FREM1: variants seen among roughly 807,000 people sequenced by gnomAD.
FREM1 encodes FRAS1 related extracellular matrix 1, also known as FRAS1-related extracellular matrix protein 1.
FREM1 carries 220 observed loss-of-function variants against 210.1 expected under a neutral mutation model. That is an observed-to-expected ratio of 1.05 (90% CI 0.94 to 1.17). The LOEUF (loss-of-function observed/expected upper bound fraction) is 1.17. Among genes scored for constraint, FREM1 ranks in the 50% most tolerant of loss-of-function variants. FREM1 has a pLI of 0.00. For missense variants in FREM1, 3,454 were observed against 2,675.5 expected (o/e 1.29, Z -6.42); for synonymous variants, 1,189 against 980.2 (o/e 1.21, Z -3.98).
chr9:14,778,747 A>AGGGGAG (rs1563908155), intron 24 of FREM1, among the ~76,000 whole-genome samples: 1 of 135,262 alleles, frequency 7.4e-6, no homozygotes, highest in African/African-American at 2.7e-5. Context: ...AGGGAAGGGA[A>AGGGGAG]GGAAAGGAAA....
chr9:14,897,566 A>T (rs1837959947), intron 1 of FREM1, among the ~76,000 whole-genome samples: 1 of 151,160 alleles, frequency 6.6e-6, no homozygotes, highest in African/African-American at 2.4e-5. Flanking sequence ...ACCAACAAAG[A>T]GGCTTAATCG....
rs545119046 is a variant in FREM1, at chr9:14,861,056, T to C, written c.330-1572A>G. 2.0e-3 allele frequency among the ~76,000 whole-genome samples: 145 copies of C among 71,404 alleles called. 3 individuals carry two copies. Among genetic ancestry groups the C allele is most frequent in the African/African-American group, 7.9e-3 (99 of 12,598 alleles). 46.8% of individuals were successfully genotyped at this position (71,404 alleles called of 152,430 possible). ...ATATATACATATATACATATATACA[T>C]ATATACACATATACATATATACATA... On this transcript the variant is annotated intron_variant, in intron 3 of 36. Coordinates refer to ENST00000380880, the MANE Select transcript of FREM1 (RefSeq NM_001379081.2).
intron 12 of FREM1, among the ~76,000 whole-genome samples, chr9:14,823,546 G>A (rs987890011): frequency 2.0e-5 from 3 of 152,156 alleles, no homozygotes; most frequent in African/African-American, 7.2e-5. Flanking sequence ...CTCCTACAGG[G>A]TTTCAGAAGG....
In FREM1 at chr9:14,746,406, C is replaced by G. The variant is rs1158765295; in HGVS notation, c.6201G>C (p.Leu2067Phe). The G allele has an allele frequency of 1.2e-6, 2 of 1,613,768 alleles. No homozygotes were observed. Among genetic ancestry groups the G allele is most frequent in the Non-Finnish European group, 1.7e-6 (2 of 1,179,808 alleles). Reference protein sequence around the residue: ...WHQHSGYCHILITEQKGTWNA... With the variant: ...WHQHSGYCHIFITEQKGTWNA... Reference sequence around the variant, plus strand: ...TCCAGGTGCCTTTCTGCTCTGTGATCAAGATGTGACAGTAGCCTGAGTGCT... The same window carrying G: ...TCCAGGTGCCTTTCTGCTCTGTGATGAAGATGTGACAGTAGCCTGAGTGCT... Residue 2067 changes from leucine (L) to phenylalanine (F), a missense_variant, in exon 35 of 37, where the codon TTG becomes TTC. Transcript: ENST00000380880.
rs374549658 is a variant in FREM1, at chr9:14,756,420, T to C, written c.5361A>G (p.Gly1787=). ...IKVNQVSAAV[G]KDFTVIPSKL... ...TAGATGGAATCACGGTGAAATCTTT[T>C]CCAACTGCAGCTGACACTTGGTTGA... Residue 1787 remains glycine, a synonymous_variant, in exon 29 of 37, where the codon GGA becomes GGG. Transcript: ENST00000380880. 35 of 1,601,308 alleles carry C rather than the reference T, an allele frequency of 2.2e-5. No homozygotes were observed. The East Asian group carries it at 4.0e-4, about 19-fold the overall frequency.
At chr9:14,879,473 C>T (rs762938379) in intron 1 of FREM1, among the ~76,000 whole-genome samples, 1 of 152,118 alleles carries the variant, frequency 6.6e-6, no homozygotes, top group African/African-American at 2.4e-5. Flanking sequence ...TATTGCCACA[C>T]AACACTGAGA....
intron 24 of FREM1, 200 bp from the exon 25 acceptor site, chr9:14,776,403 C>G (rs771562382): frequency 1.6e-5 from 8 of 487,208 alleles, no homozygotes; most frequent in Non-Finnish European, 2.4e-5. Context: ...CATTCTACAC[C>G]CAAGAATATT....
At chr9:14,892,508 G>A (rs1837016298) in intron 1 of FREM1, among the ~76,000 whole-genome samples, 2 of 152,078 alleles carry the variant, frequency 1.3e-5, no homozygotes, top group African/African-American at 2.4e-5. Flanking sequence ...AAGATTTAGG[G>A]GGTTAGAGGC....
At chr9:14,888,482 T>C (rs1047741060) in intron 1 of FREM1, among the ~76,000 whole-genome samples, 12 of 152,364 alleles carry the variant, frequency 7.9e-5, no homozygotes, top group South Asian at 4.1e-4. Flanking sequence ...CAGAAGTTAA[T>C]GTTTCACTAG....
At chr9:14,804,834 T>C (rs1818061287) in intron 19 of FREM1, 122 bp downstream of exon 19, 1 of 652,658 alleles carries the variant, frequency 1.5e-6, no homozygotes, top group Non-Finnish European at 2.6e-6. Context: ...TTACATAACA[T>C]AGCCTTCCCC....
rs1220368083 is a variant in FREM1, at chr9:14,737,427, G to C, written c.6509C>G (p.Pro2170Arg). 1 of 1,613,730 alleles carries C rather than the reference G, an allele frequency of 6.2e-7. No homozygotes were observed. The highest frequency in any genetic ancestry group is 8.5e-7 in the Non-Finnish European group (1 of 1,179,786). The change falls in exon 37 of 37, where the codon CCT (proline) becomes CGT (arginine). Residue 2170 changes from proline to arginine, a missense_variant. Transcript: ENST00000380880. ...TTTTCTGGAACACACATAATTATGA[G>C]GTTTGGCTCTCCTACAGTCTTTTGT... Reference protein sequence around the residue: ...WQTKDCRRAKPHNYVCSRKL With the variant: ...WQTKDCRRAKRHNYVCSRKL
chr9:14,877,559 GA>G (rs1476087020), intron 1 of FREM1, among the ~76,000 whole-genome samples: 7 of 151,922 alleles, frequency 4.6e-5, no homozygotes, highest in Non-Finnish European at 1.0e-4. Context: ...CAACAGAATT[GA>G]ACAAAGGTGA....
intron 3 of FREM1, among the ~76,000 whole-genome samples, chr9:14,860,688 T>TGTATAC (rs1564100296): frequency 1.9e-4 from 21 of 113,330 alleles, no homozygotes; most frequent in African/African-American, 8.1e-4. Flanking sequence ...TATATACACA[T>TGTATAC]ATATACACAC....
chr9:14,843,495 A>ATAGG (rs55735118), intron 8 of FREM1, among the ~76,000 whole-genome samples: 26 of 150,904 alleles, frequency 1.7e-4, no homozygotes, highest in Middle Eastern at 6.9e-3. Context: ...TCATAGATAG[A>ATAGG]TAGGTAGGTA....
intron 19 of FREM1, among the ~76,000 whole-genome samples, chr9:14,803,315 T>TTCCCCCCCCCTCCCC (rs1817692449): frequency 1.0e-5 from 1 of 96,208 alleles, no homozygotes; most frequent in South Asian, 5.8e-4. Flanking sequence ...TCTTTTTCTT[T>TTCCCCCCCCCTCCCC]TCCCCTCCCC....
At chr9:14,833,039 C>A (rs1330644158) in intron 10 of FREM1, among the ~76,000 whole-genome samples, 10 of 152,116 alleles carry the variant, frequency 6.6e-5, no homozygotes, top group Non-Finnish European at 1.5e-5. Context: ...TAATCGGTAA[C>A]CATGTGGCAA....
rs41305315 is a variant in FREM1, at chr9:14,842,269, T to C, written c.1738+47A>G. 0.065 allele frequency: 79,133 copies of C among 1,225,908 alleles called. 6,132 individuals are homozygous for C. The highest frequency in any genetic ancestry group is 0.43 in the East Asian group (18,158 of 42,650). The allele number at this position is 1,225,908 out of a possible 1,614,324, so 75.9% of individuals were successfully genotyped here. On this transcript the variant is annotated intron_variant, in intron 9 of 36. Transcript: ENST00000380880. Reference sequence around the variant, plus strand: ...AGAAGGATGCATAGAAGGTTCTCTATGGAAGAGTGAATTCCATTCAAATGA... The same window carrying C: ...AGAAGGATGCATAGAAGGTTCTCTACGGAAGAGTGAATTCCATTCAAATGA...
chr9:14,845,242 A>G (rs921504955), intron 8 of FREM1, among the ~76,000 whole-genome samples: 1 of 152,238 alleles, frequency 6.6e-6, no homozygotes, highest in African/African-American at 2.4e-5. Context: ...AAACCATGAC[A>G]ACTACTACTA....
rs1818080879 is a variant in FREM1, at chr9:14,804,941, G to A, written c.3471+15C>T. On this transcript the variant is annotated intron_variant, in intron 19 of 36. Coordinates refer to ENST00000380880, the MANE Select transcript of FREM1 (RefSeq NM_001379081.2). ...ATGATAAAAGAGAAATGGAACATTT[G>A]GATATGTTTCTTACAGTAATATTCT... 1.3e-6 allele frequency: 2 copies of A among 1,566,564 alleles called. No homozygotes were observed. The highest frequency in any genetic ancestry group is 1.8e-6 in the Non-Finnish European group (2 of 1,138,672).
Sources: allele counts gnomAD v4.1 joint callset (sites outside exome capture counted in the v4.1 genomes callset), GRCh38; gene constraint gnomAD v4.1.1; transcripts MANE v1.5; gene names NCBI Gene and HGNC (gene_info 2026-07-23, HGNC 2026-07-21).